Variants in SCN3A observed in about 807,000 individuals in gnomAD.
SCN3A encodes the protein sodium voltage-gated channel alpha subunit 3, also known as sodium channel protein type 3 subunit alpha.
Under a neutral mutation model 187.6 loss-of-function variants are expected in SCN3A, and 60 were observed. That is an observed-to-expected ratio of 0.32 (90% CI 0.26 to 0.40). SCN3A has a LOEUF of 0.40. SCN3A is among the 10% of genes least tolerant of loss of function. The pLI is 1.00. For missense variants in SCN3A, 1,601 were observed against 2,428.2 expected, an observed-to-expected ratio of 0.66 and a Z score of 7.16; for synonymous variants, 788 against 829.2, an observed-to-expected ratio of 0.95 and a Z score of 0.85.
chr2:165,201,304 G>A (rs964024231), intron 1 of SCN3A, among the ~76,000 whole-genome samples: 2 of 151,982 alleles, frequency 1.3e-5, no homozygotes, highest in Admixed American at 1.3e-4. Flanking sequence ...TTCAGCAAGG[G>A]CATCCTTCCA....
intron 10 of SCN3A, 105 bp downstream of exon 10, chr2:165,155,657 C>A: frequency 1.5e-6 from 2 of 1,335,474 alleles, no homozygotes; most frequent in Non-Finnish European, 2.1e-6. Context: ...CCTCTGCCTC[C>A]CAAAGTGCTA....
intron 1 of SCN3A, among the ~76,000 whole-genome samples, chr2:165,200,172 C>T (rs1055822789): frequency 1.1e-4 from 17 of 152,094 alleles, no homozygotes; most frequent in South Asian, 4.1e-4. Flanking sequence ...AAATTTAAAA[C>T]GAACCTAAAA....
intron 11 of SCN3A, among the ~76,000 whole-genome samples, chr2:165,153,200 T>A (rs1453327226): frequency 6.6e-6 from 1 of 152,112 alleles, no homozygotes; most frequent in Non-Finnish European, 1.5e-5. Context: ...CAGTGGAGAA[T>A]GAATATTTTG....
At chr2:165,115,883 C>T (rs941082933) in intron 18 of SCN3A, among the ~76,000 whole-genome samples, 1 of 152,104 alleles carries the variant, frequency 6.6e-6, no homozygotes. Flanking sequence ...ATGAATATAA[C>T]TTAATACATT....
At position 165,100,031 on chromosome 2, in the gene SCN3A, G is replaced by A. The variant is rs1362386231; in HGVS notation, c.3966+271C>T. Among the ~76,000 whole-genome samples, 3 of 152,164 alleles carry A rather than the reference G, an allele frequency of 2.0e-5. No individual in the cohort carries two copies. The East Asian group carries it at 5.8e-4, about 29-fold the overall frequency. ...TGTAAGCAATGAAAAGAAACAACTGGCAGTCCAAGGTTTTTGAGTGTTGTA... is the reference window on the plus strand; with the variant it reads ...TGTAAGCAATGAAAAGAAACAACTGACAGTCCAAGGTTTTTGAGTGTTGTA... On this transcript the variant is annotated intron_variant, in intron 22 of 27. Coordinates refer to ENST00000283254, the MANE Select transcript of SCN3A (RefSeq NM_006922.4).
chr2:165,139,905 A>G (rs537630627), intron 13 of SCN3A, among the ~76,000 whole-genome samples: 2 of 152,246 alleles, frequency 1.3e-5, no homozygotes, highest in African/African-American at 2.4e-5. Flanking sequence ...TAAACATGCT[A>G]AAGTCATTTA....
rs1001587023 is a variant in SCN3A, at chr2:165,096,605, A to G, written c.4240-85T>C. ...CAGATGAAAATCTGACAGTATTATAACAAATAACTTTTTGTACAATATTGT... is the reference window on the plus strand; with the variant it reads ...CAGATGAAAATCTGACAGTATTATAGCAAATAACTTTTTGTACAATATTGT... On this transcript the variant is annotated intron_variant, in intron 23 of 27. Coordinates refer to ENST00000283254, the MANE Select transcript of SCN3A (RefSeq NM_006922.4). 4 of 913,770 alleles carry G rather than the reference A, an allele frequency of 4.4e-6. 1 individual carries two copies. The South Asian group carries it at 4.4e-5, about 10-fold the overall frequency. The allele number at this position is 913,770 out of a possible 1,614,324, so 56.6% of individuals were successfully genotyped here. A position where few individuals can be genotyped will look rare whatever the true frequency, so the allele number is the denominator to read the frequency against.
intron 18 of SCN3A, 47 bp from the exon 19 acceptor site, chr2:165,115,622 T>G: frequency 1.9e-6 from 3 of 1,592,060 alleles, no homozygotes; most frequent in Non-Finnish European, 2.6e-6. Context: ...CCCCTTTTAT[T>G]TAACTAACTG....
intron 27 of SCN3A, 123 bp from the exon 28 acceptor site, chr2:165,091,468 G>A (rs912035719): frequency 3.4e-6 from 4 of 1,170,582 alleles, no homozygotes; most frequent in Non-Finnish European, 5.0e-6. Context: ...TTAAATATTT[G>A]GATCCACTCC....
intron 17 of SCN3A, among the ~76,000 whole-genome samples, chr2:165,128,872 G>C (rs540215834): frequency 6.6e-6 from 1 of 152,066 alleles, no homozygotes; most frequent in Non-Finnish European, 1.5e-5. Flanking sequence ...ATGTGAAAAA[G>C]TTACTCAGCC....
chr2:165,157,940 T>C (rs1257505401), intron 9 of SCN3A, among the ~76,000 whole-genome samples: 8 of 152,188 alleles, frequency 5.3e-5, no homozygotes, highest in Admixed American at 5.2e-4. Context: ...TTTAACACTT[T>C]CTTAGTTTTA....
At chr2:165,175,622 G>C (rs1197917245) in intron 3 of SCN3A, among the ~76,000 whole-genome samples, 1 of 151,974 alleles carries the variant, frequency 6.6e-6, no homozygotes, top group Non-Finnish European at 1.5e-5. Context: ...GTTACTGGGG[G>C]GGAAAGGAAT....
chr2:165,123,530 ACT>A (rs767376236), intron 18 of SCN3A, among the ~76,000 whole-genome samples: 6 of 152,098 alleles, frequency 3.9e-5, no homozygotes, highest in East Asian at 1.9e-4. Context: ...AAAATGTATA[ACT>A]CTGGTGGGTT....
intron 15 of SCN3A, among the ~76,000 whole-genome samples, chr2:165,132,231 A>T (rs1300581558): frequency 1.3e-5 from 2 of 152,196 alleles, no homozygotes; most frequent in African/African-American, 4.8e-5. Flanking sequence ...ATTCAATGGC[A>T]TCCCCATCAA....
intron 1 of SCN3A, among the ~76,000 whole-genome samples, chr2:165,197,586 GTTTT>G (rs544679569): frequency 7.1e-6 from 1 of 140,258 alleles, no homozygotes; most frequent in South Asian, 2.2e-4. Context: ...CTTTAGCTGT[GTTTT>G]TTTTTTTTCT....
intron 21 of SCN3A, among the ~76,000 whole-genome samples, chr2:165,106,441 C>T (rs949236156): frequency 2.0e-5 from 3 of 152,082 alleles, no homozygotes; most frequent in Non-Finnish European, 4.4e-5. Context: ...TCATTGTGAG[C>T]ATAATTACTT....
At chr2:165,168,438 C>T (rs977899276) in intron 5 of SCN3A, among the ~76,000 whole-genome samples, 2 of 151,916 alleles carry the variant, frequency 1.3e-5, no homozygotes, top group South Asian at 2.1e-4. Context: ...TGTATTTTAT[C>T]TCAAATGATT....
At chr2:165,169,291 T>C (rs1305564382) in intron 4 of SCN3A, among the ~76,000 whole-genome samples, 1 of 151,968 alleles carries the variant, frequency 6.6e-6, no homozygotes, top group Admixed American at 6.6e-5. Context: ...CTATCATAAA[T>C]AGTAGGTTTG....
chr2:165,120,204 A>T (rs1000115824), intron 18 of SCN3A, among the ~76,000 whole-genome samples: 2 of 152,044 alleles, frequency 1.3e-5, no homozygotes, highest in African/African-American at 2.4e-5. Context: ...TCCAAGAACC[A>T]TGTCCTCAAA....
Sources: allele counts gnomAD v4.1 joint callset (sites outside exome capture counted in the v4.1 genomes callset), GRCh38; gene constraint gnomAD v4.1.1; transcripts MANE v1.5; gene names NCBI Gene and HGNC (gene_info 2026-07-23, HGNC 2026-07-21).